The following ACYP2 variants were observed in gnomAD, a reference collection of about 807,000 sequenced individuals.
ACYP2 encodes the protein acylphosphatase 2.
ACYP2 carries 12 observed loss-of-function variants against 11.2 expected under a neutral mutation model. That is an observed-to-expected ratio of 1.08 (90% CI 0.69 to 1.74). ACYP2 has a LOEUF of 1.74. Among genes scored for constraint, ACYP2 ranks in the 40% most tolerant of loss-of-function variants. The pLI is 0.00. For synonymous variants in ACYP2, 43 were observed against 32.2 expected, an observed-to-expected ratio of 1.33 and a Z score of -1.13; for missense variants, 134 against 101.9, an observed-to-expected ratio of 1.31 and a Z score of -1.35.
intron 2 of ACYP2, among the ~76,000 whole-genome samples, chr2:54,000,743 C>T (rs548926362): frequency 7.9e-5 from 12 of 152,216 alleles, no homozygotes; most frequent in Non-Finnish European, 4.4e-5. Context: ...CTGAAAATTT[C>T]TGCCCATAAG....
intron 2 of ACYP2, among the ~76,000 whole-genome samples, chr2:54,027,851 T>C (rs1164428989): frequency 6.8e-6 from 1 of 146,170 alleles, no homozygotes; most frequent in Admixed American, 6.8e-5. Context: ...TTTTTTTTTT[T>C]TTTTTTGAGA....
At chr2:54,089,912 G>A (rs1367767591) in intron 4 of ACYP2, among the ~76,000 whole-genome samples, 5 of 151,968 alleles carry the variant, frequency 3.3e-5, no homozygotes, top group Admixed American at 2.6e-4. Flanking sequence ...TTGGGAGGCC[G>A]AGGCAGGCAG....
At chr2:54,274,950 G>A (rs1014931351) in intron 6 of ACYP2, among the ~76,000 whole-genome samples, 12 of 152,144 alleles carry the variant, frequency 7.9e-5, no homozygotes, top group Non-Finnish European at 1.8e-4. Flanking sequence ...ACCAAAATAT[G>A]CAGTTCAACC....
intron 6 of ACYP2, among the ~76,000 whole-genome samples, chr2:54,214,380 C>T (rs929411084): frequency 2.6e-5 from 4 of 152,126 alleles, no homozygotes; most frequent in African/African-American, 7.2e-5. Flanking sequence ...ATACATTTCA[C>T]GTTTAAGTCT....
chr2:54,182,840 G>A (rs887366985), intron 6 of ACYP2, among the ~76,000 whole-genome samples: 1 of 152,094 alleles, frequency 6.6e-6, no homozygotes, highest in Non-Finnish European at 1.5e-5. Flanking sequence ...GCCCATCTTG[G>A]GGCAGATCCA....
chr2:54,231,682 A>G (rs1572967393), intron 6 of ACYP2, among the ~76,000 whole-genome samples: 1 of 152,250 alleles, frequency 6.6e-6, no homozygotes, highest in Non-Finnish European at 1.5e-5. Flanking sequence ...GTTTTCAACA[A>G]AAGTTAACAG....
At chr2:54,097,881 TC>T (rs1308292741) in intron 4 of ACYP2, among the ~76,000 whole-genome samples, 2 of 127,972 alleles carry the variant, frequency 1.6e-5, no homozygotes, top group East Asian at 3.9e-4. Flanking sequence ...TCTCTCTCTC[TC>T]TCTCCCCTCC....
intron 2 of ACYP2, among the ~76,000 whole-genome samples, chr2:53,998,060 C>G (rs1055143457): frequency 1.3e-5 from 2 of 152,150 alleles, no homozygotes; most frequent in Non-Finnish European, 2.9e-5. Context: ...GGAATAGGAT[C>G]TGTCTCTTTT....
intron 3 of ACYP2, among the ~76,000 whole-genome samples, chr2:54,056,797 C>T (rs1490549314): frequency 6.6e-6 from 1 of 151,946 alleles, no homozygotes; most frequent in African/African-American, 2.4e-5. Context: ...TACTATATTA[C>T]CTGTTGATTC....
intron 2 of ACYP2, among the ~76,000 whole-genome samples, chr2:53,988,014 A>T (rs963055064): frequency 1.3e-5 from 2 of 152,138 alleles, no homozygotes; most frequent in African/African-American, 4.8e-5. Context: ...TTTAATATTG[A>T]TGAGGTCCAG....
chr2:54,201,668 T>TTCTTTCTG (rs1684827856), intron 6 of ACYP2, among the ~76,000 whole-genome samples: 1 of 109,928 alleles, frequency 9.1e-6, no homozygotes. Context: ...CTTTCTTTCT[T>TTCTTTCTG]TCTTTCTTTC....
intron 2 of ACYP2, among the ~76,000 whole-genome samples, chr2:53,985,013 C>A (rs1671961007): frequency 6.6e-6 from 1 of 151,256 alleles, no homozygotes; most frequent in African/African-American, 2.4e-5. Context: ...CCAGGTTACA[C>A]AGCATTAATA....
chr2:54,116,271 C>T (rs1042959095), intron 4 of ACYP2, among the ~76,000 whole-genome samples: 1 of 151,922 alleles, frequency 6.6e-6, no homozygotes, highest in Admixed American at 6.6e-5. Context: ...TAAGTAGTTG[C>T]CAAGTTTGTA....
intron 2 of ACYP2, among the ~76,000 whole-genome samples, chr2:53,985,070 CTTTTTTTT>C (rs1178409999): frequency 7.4e-6 from 1 of 134,998 alleles, no homozygotes; most frequent in African/African-American, 2.7e-5. Context: ...TTTTTTCTTT[CTTTTTTTT>C]TTTTTTTTTG....
chr2:53,987,202 T>C (rs1413412431), intron 2 of ACYP2, among the ~76,000 whole-genome samples: 5 of 152,188 alleles, frequency 3.3e-5, no homozygotes, highest in African/African-American at 9.6e-5. Flanking sequence ...GAAGAGGACA[T>C]GAAAAGGCCT....
At chr2:54,096,172 T>C (rs1313238284) in intron 4 of ACYP2, among the ~76,000 whole-genome samples, 1 of 116,358 alleles carries the variant, frequency 8.6e-6, no homozygotes, top group Non-Finnish European at 1.8e-5. Flanking sequence ...GGCTGCCGGG[T>C]GGAGGGGCTC....
intron 6 of ACYP2, among the ~76,000 whole-genome samples, chr2:54,272,910 A>G (rs1203564133): frequency 6.6e-6 from 1 of 152,190 alleles, no homozygotes; most frequent in African/African-American, 2.4e-5. Context: ...TCACATTTCA[A>G]ATGTGGAAGC....
intron 2 of ACYP2, among the ~76,000 whole-genome samples, chr2:53,985,100 C>T (rs1294902484): frequency 7.6e-5 from 11 of 144,438 alleles, no homozygotes; most frequent in South Asian, 4.3e-4. Context: ...GATGGAGTCT[C>T]GCTCTGTTGC....
At chr2:54,108,484 T>A (rs1679288244) in intron 4 of ACYP2, among the ~76,000 whole-genome samples, 1 of 152,136 alleles carries the variant, frequency 6.6e-6, no homozygotes, top group Non-Finnish European at 1.5e-5. Flanking sequence ...TAAGAAGAAA[T>A]CAGGACGAAT....
Sources: gnomAD v4.1 joint callset for allele counts (sites outside exome capture counted in the v4.1 genomes callset) on GRCh38, gnomAD v4.1.1 for gene constraint, MANE v1.5 for transcripts, NCBI Gene and HGNC (gene_info 2026-07-23, HGNC 2026-07-21) for gene names.